The following REDIC1 variants were observed in gnomAD, a reference collection of about 807,000 sequenced individuals.
REDIC1 encodes the protein HEI10 Interacting Protein 1.
chr12:39,845,393 A>G, the REDIC1 span, among the ~76,000 whole-genome samples: 3 of 152,130 alleles, frequency 2.0e-5, no homozygotes, highest in East Asian at 3.9e-4. Flanking sequence ...GTCAAACACT[A>G]TAACACTTGG....
At chr12:39,749,890 A>G in the REDIC1 span, among the ~76,000 whole-genome samples, 1 of 152,216 alleles carries the variant, frequency 6.6e-6, no homozygotes, top group African/African-American at 2.4e-5. Flanking sequence ...AAAACTCTCA[A>G]TAAATTAGGT....
At chr12:39,644,823 A>C in the REDIC1 span, among the ~76,000 whole-genome samples, 1 of 151,948 alleles carries the variant, frequency 6.6e-6, no homozygotes, top group Admixed American at 6.6e-5. Flanking sequence ...CAAAAGACAG[A>C]TTAACAGGAG....
chr12:39,759,173 G>C, the REDIC1 span: 1 of 152,492 alleles, frequency 6.6e-6, no homozygotes, highest in East Asian at 1.9e-4. Context: ...CTGATATACA[G>C]TTAAAGATCT....
the REDIC1 span, among the ~76,000 whole-genome samples, chr12:39,858,361 C>G: frequency 6.6e-6 from 1 of 151,974 alleles, no homozygotes; most frequent in Non-Finnish European, 1.5e-5. Context: ...TCTACTGTAG[C>G]ATTATTAATA....
the REDIC1 span, among the ~76,000 whole-genome samples, chr12:39,783,418 TAGTTCTGGATCCCTGAGGAATCACC>T: frequency 1.3e-5 from 2 of 152,232 alleles, no homozygotes; most frequent in Non-Finnish European, 2.9e-5. Context: ...ATGGTATTTC[TAGTTCTGGATCCCTGAGGAATCACC>T]ACACTGTCTT....
chr12:39,862,533 T>G, the REDIC1 span, among the ~76,000 whole-genome samples: 4 of 152,238 alleles, frequency 2.6e-5, no homozygotes, highest in Non-Finnish European at 5.9e-5. Flanking sequence ...GTTACTAAGA[T>G]ATTAAACTAC....
chr12:39,706,697 A>G, the REDIC1 span, among the ~76,000 whole-genome samples: 1 of 152,010 alleles, frequency 6.6e-6, no homozygotes, highest in African/African-American at 2.4e-5. Context: ...CCCAGAAACA[A>G]TTCCACACAT....
At chr12:39,667,775 G>T in the REDIC1 span, among the ~76,000 whole-genome samples, 2 of 152,160 alleles carry the variant, frequency 1.3e-5, no homozygotes, top group Admixed American at 1.3e-4. Context: ...ATATATTTAG[G>T]ATAGTTAGCT....
At chr12:39,653,539 T>TTCTTC in the REDIC1 span, among the ~76,000 whole-genome samples, 642 of 56,082 alleles carry the variant, frequency 0.011, 38 homozygotes, top group African/African-American at 0.037. Flanking sequence ...TCTTCTTCTT[T>TTCTTC]TTCTTCTTCT....
chr12:39,895,973 T>C, the REDIC1 span, among the ~76,000 whole-genome samples: 4 of 145,060 alleles, frequency 2.8e-5, no homozygotes, highest in African/African-American at 1.1e-4. Flanking sequence ...TACATGTGTA[T>C]ATGTATACAT....
At chr12:39,750,089 A>C in the REDIC1 span, among the ~76,000 whole-genome samples, 1,445 of 152,346 alleles carry the variant, frequency 9.5e-3, 24 homozygotes, top group African/African-American at 0.033. Flanking sequence ...AGGAGAAAGA[A>C]ATAAAGTGTA....
the REDIC1 span, among the ~76,000 whole-genome samples, chr12:39,742,209 C>T: frequency 6.6e-6 from 1 of 152,112 alleles, no homozygotes; most frequent in African/African-American, 2.4e-5. Context: ...AGGTAGCAGT[C>T]AGTACAGTGA....
chr12:39,709,573 A>C, the REDIC1 span, among the ~76,000 whole-genome samples: 165 of 147,886 alleles, frequency 1.1e-3, 1 homozygote, highest in African/African-American at 4.0e-3. Flanking sequence ...TTATATAACT[A>C]GTAGGTGAAA....
At chr12:39,660,119 T>C in the REDIC1 span, among the ~76,000 whole-genome samples, 1 of 152,218 alleles carries the variant, frequency 6.6e-6, no homozygotes, top group Non-Finnish European at 1.5e-5. Flanking sequence ...TTGTTCTATT[T>C]TTCTTACCTT....
At chr12:39,749,327 G>A in the REDIC1 span, among the ~76,000 whole-genome samples, 1 of 152,134 alleles carries the variant, frequency 6.6e-6, no homozygotes, top group East Asian at 1.9e-4. Context: ...TAGAAGAAAT[G>A]GATAAATTCC....
chr12:39,865,000 A>T, the REDIC1 span: 1 of 931,370 alleles, frequency 1.1e-6, no homozygotes, highest in Non-Finnish European at 1.5e-6. Flanking sequence ...TGAAAAAAAA[A>T]TACCGTGCTC....
the REDIC1 span, among the ~76,000 whole-genome samples, chr12:39,768,772 T>C: frequency 6.6e-6 from 1 of 151,978 alleles, no homozygotes; most frequent in Non-Finnish European, 1.5e-5. Flanking sequence ...AAGTCTGAAA[T>C]AATGTGAGAA....
chr12:39,734,486 T>C, the REDIC1 span, among the ~76,000 whole-genome samples: 1 of 152,212 alleles, frequency 6.6e-6, no homozygotes, highest in Non-Finnish European at 1.5e-5. Flanking sequence ...CTCCTGCTTT[T>C]TCTTCCTGAA....
chr12:39,704,972 A>C, the REDIC1 span, among the ~76,000 whole-genome samples: 2 of 151,372 alleles, frequency 1.3e-5, no homozygotes, highest in Admixed American at 1.3e-4. Context: ...ACCTAATGCT[A>C]GATGACGAGT....
Sources: allele counts gnomAD v4.1 joint callset (sites outside exome capture counted in the v4.1 genomes callset), GRCh38; gene constraint gnomAD v4.1.1; transcripts MANE v1.5; gene names NCBI Gene and HGNC (gene_info 2026-07-23, HGNC 2026-07-21).